IFIH1: variants seen among roughly 807,000 people sequenced by gnomAD.
The protein encoded by IFIH1 is interferon induced with helicase C domain 1.
In IFIH1, 125 loss-of-function variants were observed where a neutral mutation model predicts 107.4. That is an observed-to-expected ratio of 1.16 (90% CI 1.01 to 1.35). The LOEUF is 1.35. Ranked by LOEUF, IFIH1 falls within the 40% of genes most tolerant of loss-of-function variation. IFIH1 has a pLI of 0.00. For missense variants in IFIH1, 1,333 were observed against 1,213.7 expected (o/e 1.10, Z -1.46); for synonymous variants, 458 against 413.2 (o/e 1.11, Z -1.31).
intron 11 of IFIH1, among the ~76,000 whole-genome samples, chr2:162,276,415 C>A (rs1367765539): frequency 6.6e-6 from 1 of 152,046 alleles, no homozygotes; most frequent in Admixed American, 6.6e-5. Flanking sequence ...CAAGCCAGGA[C>A]AACATAGTGG....
intron 3 of IFIH1, among the ~76,000 whole-genome samples, chr2:162,295,252 C>T (rs1164212852): frequency 6.6e-6 from 1 of 151,966 alleles, no homozygotes; most frequent in African/African-American, 2.4e-5. Context: ...GGTTTCTGTT[C>T]CAATAGTTTT....
At position 162,277,454 on chromosome 2, in the gene IFIH1, G is replaced by A. The variant is rs749338471; in HGVS notation, c.2005C>T (p.Leu669=). The change falls in exon 10 of 16, where the codon CTG becomes TTG. Residue 669 remains leucine, a synonymous_variant. Coordinates refer to ENST00000649979, the MANE Select transcript of IFIH1 (RefSeq NM_022168.4). ...ATGAGAAATCTATCTGTTTCATCCA[G>A]TTTCAAAGGTTTCTTTAAATCATCC... ...DEDDLKKPLK[L]DETDRFLMTL... 6.2e-7 allele frequency: 1 copy of A among 1,608,614 alleles called. No homozygotes were observed.
intron 8 of IFIH1, among the ~76,000 whole-genome samples, chr2:162,279,189 A>G (rs1558866727): frequency 6.6e-6 from 1 of 152,138 alleles, no homozygotes; most frequent in Admixed American, 6.6e-5. Context: ...AAATATATTC[A>G]ACTGTGCTAG....
At chr2:162,306,604 T>C in intron 3 of IFIH1, 105 bp downstream of exon 3, 1 of 699,276 alleles carries the variant, frequency 1.4e-6, no homozygotes, top group East Asian at 2.8e-5. Flanking sequence ...AAATGTTTAC[T>C]AACCTTAATG....
intron 14 of IFIH1, 128 bp downstream of exon 14, chr2:162,267,959 T>G: frequency 3.3e-6 from 2 of 611,302 alleles, no homozygotes; most frequent in Non-Finnish European, 5.5e-6. Context: ...GGAATATAAT[T>G]GAGAGGCTAA....
rs17715295 is a variant in IFIH1, at chr2:162,310,644, T to C, written c.622+121A>G. Reference sequence around the variant, plus strand: ...TAAAATAGATGATCTATCACATATGTTCCACTCTTAAAATTTTGATTCTAA... The same window carrying C: ...TAAAATAGATGATCTATCACATATGCTCCACTCTTAAAATTTTGATTCTAA... On this transcript the variant is annotated intron_variant, in intron 2 of 15. Coordinates refer to ENST00000649979, the MANE Select transcript of IFIH1 (RefSeq NM_022168.4). 6,507 of 735,224 alleles carry C rather than the reference T, an allele frequency of 8.9e-3. 49 individuals are homozygous for C. The highest frequency in any genetic ancestry group is 0.013 in the Non-Finnish European group (5,504 of 434,566). The allele number at this position is 735,224 out of a possible 1,614,324, so 45.5% of individuals were successfully genotyped here.
chr2:162,269,244 A>C (rs576048292), intron 13 of IFIH1, among the ~76,000 whole-genome samples: 1 of 152,342 alleles, frequency 6.6e-6, no homozygotes, highest in East Asian at 1.9e-4. Context: ...AATCTTCTTA[A>C]AAATTAGATA....
chr2:162,305,085 CTG>C (rs1300035456), intron 3 of IFIH1, among the ~76,000 whole-genome samples: 1 of 152,088 alleles, frequency 6.6e-6, no homozygotes, highest in Non-Finnish European at 1.5e-5. Context: ...AAAAACCAGG[CTG>C]TAGAAGAATA....
rs1224393495 is a variant in IFIH1 at position 162,277,469 on chromosome 2, T to G, written c.1990A>C (p.Lys664Gln). The change falls in exon 10 of 16, where the codon AAG (lysine) becomes CAG (glutamine). Residue 664 changes from lysine to glutamine, a missense_variant. Transcript: ENST00000649979. ...CDGDEDEDDLKKPLKLDETDR... is the reference protein window; with the variant it reads ...CDGDEDEDDLQKPLKLDETDR... ...GTTTCATCCAGTTTCAAAGGTTTCT[T>G]TAAATCATCCTCATCTTCATCACCA... is the stretch of plus-strand genomic sequence containing the variant. 3 of 1,608,402 alleles carry G rather than the reference T, an allele frequency of 1.9e-6. No individual in the cohort carries two copies. The highest frequency in any genetic ancestry group is 2.6e-6 in the Non-Finnish European group (3 of 1,175,980).
At chr2:162,276,640 G>C (rs1682669371) in intron 11 of IFIH1, 47 bp downstream of exon 11, 2 of 1,558,766 alleles carry the variant, frequency 1.3e-6, no homozygotes, top group Non-Finnish European at 1.7e-6. Flanking sequence ...AAGAGAAGAA[G>C]AAAAGAGAAA....
At chr2:162,302,220 AAC>A (rs371525578) in intron 3 of IFIH1, among the ~76,000 whole-genome samples, 1 of 151,838 alleles carries the variant, frequency 6.6e-6, no homozygotes, top group Non-Finnish European at 1.5e-5. Flanking sequence ...AAGGTGCTAA[AAC>A]ACACACACAC....
intron 1 of IFIH1, among the ~76,000 whole-genome samples, chr2:162,315,842 A>G (rs1044080871): frequency 1.3e-5 from 2 of 152,216 alleles, no homozygotes; most frequent in African/African-American, 4.8e-5. Context: ...TGGAACTGAT[A>G]ATACATGTAA....
At position 162,267,366 on chromosome 2, in the gene IFIH1, A is replaced by T. The variant is rs1690944403; in HGVS notation, c.2912T>A (p.Met971Lys). 1.9e-6 allele frequency: 3 copies of T among 1,613,802 alleles called. No individual in the cohort carries two copies. The highest frequency in any genetic ancestry group is 2.5e-6 in the Non-Finnish European group (3 of 1,179,960). Reference protein sequence around the residue: ...ICKCGQAWGTMMVHKGLDLPC... With the variant: ...ICKCGQAWGTKMVHKGLDLPC... ...CAAATCTAAGCCTTTGTGCACCATC[A>T]TTGTTCCCCAAGCCTGGAAAACAAA... The change falls in exon 16 of 16, where the codon ATG becomes AAG. Residue 971 changes from methionine to lysine, a missense_variant. Physicochemically the swap from Met to Lys is moderately conservative, Grantham distance 95 (BLOSUM62 -1). Transcript: ENST00000649979.
At chr2:162,314,642 C>A (rs2105234411) in intron 1 of IFIH1, among the ~76,000 whole-genome samples, 1 of 151,922 alleles carries the variant, frequency 6.6e-6, no homozygotes, top group East Asian at 1.9e-4. Flanking sequence ...CTCCCACCAC[C>A]ACACCCAGCT....
chr2:162,300,500 A>G (rs932028408), intron 3 of IFIH1, among the ~76,000 whole-genome samples: 1 of 152,212 alleles, frequency 6.6e-6, no homozygotes, highest in African/African-American at 2.4e-5. Flanking sequence ...TGTAAGCCAT[A>G]TAACTGACCC....
At chr2:162,294,713 G>A (rs1683054104) in intron 3 of IFIH1, among the ~76,000 whole-genome samples, 1 of 151,728 alleles carries the variant, frequency 6.6e-6, no homozygotes, top group Non-Finnish European at 1.5e-5. Flanking sequence ...ATATTCTTAG[G>A]ATAGGAGTTC....
In IFIH1 at chr2:162,318,538, G is replaced by T. The variant is rs960609208; in HGVS notation, c.-231C>A. The stretch of plus-strand genomic sequence containing the variant: ...CAGGTGGGCAGCGGGGCGGCGCGCG[G>T]GGCCGCGGCAGGCAGGTGCGGCCGG... On this transcript the variant is annotated 5_prime_UTR_variant, in exon 1 of 16. Coordinates refer to ENST00000649979, the MANE Select transcript of IFIH1 (RefSeq NM_022168.4). 7.5e-4 allele frequency: 222 copies of T among 296,990 alleles called. No individual in the cohort carries two copies. Among genetic ancestry groups the T allele is most frequent in the Admixed American group, 4.7e-4 (9 of 19,052 alleles). The allele number at this position is 296,990 out of a possible 1,614,324, so 18.4% of individuals were successfully genotyped here.
chr2:162,277,026 G>A lies in IFIH1; in HGVS notation c.2045-80C>T, dbSNP rs1643886345. Reference sequence around the variant, plus strand: ...AATGTACAGATATATCAAACATTTTGTACACCAAAAATATACAGTTTTATT... The same window carrying A: ...AATGTACAGATATATCAAACATTTTATACACCAAAAATATACAGTTTTATT... On this transcript the variant is annotated intron_variant, in intron 10 of 15. Transcript: ENST00000649979. The A allele has an allele frequency of 5.2e-6, 5 of 970,158 alleles. No homozygotes were observed. The South Asian group carries it at 7.3e-5, about 14-fold the overall frequency. The allele number at this position is 970,158 out of a possible 1,614,324, so 60.1% of individuals were successfully genotyped here.
At position 162,276,741 on chromosome 2, in the gene IFIH1, T is replaced by A; in HGVS notation, c.2250A>T (p.Lys750Asn). ...GTCCAGCTCCAATCAGATGGTGGGC[T>A]TTGACTCCTACTTCAGCAAATTTTT... The part of the protein sequence containing the change: ...ENEKFAEVGV[K>N]AHHLIGAGHS... Residue 750 changes from lysine (K) to asparagine (N), a missense_variant, in exon 11 of 16, where the codon AAA becomes AAT. Coordinates refer to ENST00000649979, the MANE Select transcript of IFIH1 (RefSeq NM_022168.4). 6.2e-7 allele frequency: 1 copy of A among 1,614,064 alleles called. No individual in the cohort carries two copies.
Sources: allele counts gnomAD v4.1 joint callset (sites outside exome capture counted in the v4.1 genomes callset), GRCh38; gene constraint gnomAD v4.1.1; transcripts MANE v1.5; gene names NCBI Gene and HGNC (gene_info 2026-07-23, HGNC 2026-07-21).